Variants in MYOCD observed in about 807,000 individuals in gnomAD.
MYOCD encodes myocardin.
MYOCD carries 32 observed loss-of-function variants against 96.1 expected under a neutral mutation model. The ratio of observed to expected loss-of-function variants is 0.33; its 90% CI spans 0.25 to 0.45. The LOEUF is 0.45. Among genes scored for constraint, MYOCD ranks in the 20% least tolerant of loss-of-function variants. The pLI is 1.00. For missense variants in MYOCD, 1,133 were observed against 1,200.6 expected (o/e 0.94, Z 0.83); for synonymous variants, 469 against 469.0 (o/e 1.00, Z 0.00).
intron 7 of MYOCD, 137 bp downstream of exon 7, chr17:12,739,465 G>A (rs745344841): frequency 1.0e-6 from 1 of 985,986 alleles, no homozygotes; most frequent in Non-Finnish European, 1.4e-6. Flanking sequence ...AGCTCACTAG[G>A]AGGGTCACAA....
rs950612323 is a variant in MYOCD, at chr17:12,759,029, CAAG to C, written c.2331+818_2331+820del. On this transcript the variant is annotated intron_variant, in intron 12 of 13. Transcript: ENST00000425538. ...TAGCACTGTACTCCAGCCCGGGTGACAAGAGCAAAACTCCATCTCAAAAAAAAA... is the reference window on the plus strand; with the variant it reads ...TAGCACTGTACTCCAGCCCGGGTGACAGCAAAACTCCATCTCAAAAAAAAA... Among the ~76,000 whole-genome samples the C allele has an allele frequency of 5.9e-4, 89 of 151,342 alleles. 1 individual carries two copies. Among genetic ancestry groups the C allele is most frequent in the Middle Eastern group, 3.4e-3 (1 of 294 alleles).
intron 2 of MYOCD, among the ~76,000 whole-genome samples, chr17:12,709,871 T>C (rs1214913409): frequency 2.0e-5 from 3 of 152,214 alleles, no homozygotes; most frequent in Admixed American, 6.5e-5. Flanking sequence ...TCCCTGGGTA[T>C]CACTCTCCTG....
intron 1 of MYOCD, among the ~76,000 whole-genome samples, chr17:12,677,299 G>A (rs1022632938): frequency 3.3e-5 from 5 of 151,886 alleles, no homozygotes; most frequent in African/African-American, 1.2e-4. Context: ...ATAACTAATG[G>A]GTATTAGGCT....
At chr17:12,686,704 C>T (rs887026415) in intron 1 of MYOCD, among the ~76,000 whole-genome samples, 4 of 152,106 alleles carry the variant, frequency 2.6e-5, no homozygotes, top group African/African-American at 9.7e-5. Flanking sequence ...GGTTGCTAGG[C>T]AGGGTACAGA....
At chr17:12,712,759 A>G (rs1295871296) in intron 2 of MYOCD, among the ~76,000 whole-genome samples, 1 of 152,178 alleles carries the variant, frequency 6.6e-6, no homozygotes, top group Non-Finnish European at 1.5e-5. Context: ...GACTGAATTT[A>G]CAACAGTATT....
chr17:12,680,341 T>C (rs1910376121), intron 1 of MYOCD, among the ~76,000 whole-genome samples: 1 of 152,196 alleles, frequency 6.6e-6, no homozygotes, highest in Non-Finnish European at 1.5e-5. Flanking sequence ...GAGGTGAGTA[T>C]AATGACGTCT....
At position 12,745,949 on chromosome 17, in the gene MYOCD, A is replaced by C; in HGVS notation, c.1002A>C (p.Pro334=). 9 of 1,614,172 alleles carry C rather than the reference A, an allele frequency of 5.6e-6. No individual in the cohort carries two copies. Among genetic ancestry groups the C allele is most frequent in the Non-Finnish European group, 7.6e-6 (9 of 1,180,038 alleles). Residue 334 remains proline (P), a synonymous_variant, in exon 9 of 14, where the codon CCA becomes CCC. Coordinates refer to ENST00000425538, the MANE Select transcript of MYOCD (RefSeq NM_001146312.3). Reference sequence around the variant, plus strand: ...CAAATGAACAGATGGTCAGAAATCCAAACTCTTCTTCAACGCCACTGAGCA... The same window carrying C: ...CAAATGAACAGATGGTCAGAAATCCCAACTCTTCTTCAACGCCACTGAGCA... ...KEPNEQMVRN[P]NSSSTPLSNT... is the part of the protein sequence containing the mutation.
At chr17:12,757,538 C>G (rs1478282165) in intron 11 of MYOCD, among the ~76,000 whole-genome samples, 1 of 152,122 alleles carries the variant, frequency 6.6e-6, no homozygotes, top group Non-Finnish European at 1.5e-5. Context: ...ACTCTGTCGG[C>G]CAGACTGGAG....
At chr17:12,666,628 G>A (rs1454280090) in intron 1 of MYOCD, among the ~76,000 whole-genome samples, 1 of 152,194 alleles carries the variant, frequency 6.6e-6, no homozygotes, top group African/African-American at 2.4e-5. Context: ...CTGATGTTGT[G>A]TGTTAGGTAC....
intron 9 of MYOCD, among the ~76,000 whole-genome samples, chr17:12,748,845 A>G (rs1484423002): frequency 6.6e-6 from 1 of 152,186 alleles, no homozygotes; most frequent in Admixed American, 6.5e-5. Context: ...CAATTCCAGC[A>G]AGACTATAGG....
At chr17:12,757,492 T>G (rs2033045443) in intron 11 of MYOCD, among the ~76,000 whole-genome samples, 1 of 152,096 alleles carries the variant, frequency 6.6e-6, no homozygotes, top group South Asian at 2.1e-4. Context: ...TGATTATTTT[T>G]TATTTATTAT....
intron 7 of MYOCD, among the ~76,000 whole-genome samples, chr17:12,741,735 CA>C (rs2032518918): frequency 6.6e-6 from 1 of 151,146 alleles, no homozygotes; most frequent in Non-Finnish European, 1.5e-5. Flanking sequence ...AAAAAATTAG[CA>C]AAGCCTTCAA....
rs894247959 is a variant in MYOCD at position 12,681,712 on chromosome 17, G to A, written c.55+15469G>A. 5.3e-5 allele frequency among the ~76,000 whole-genome samples: 8 copies of A among 152,224 alleles called. No homozygotes were observed. In the East Asian group the frequency reaches 5.8e-4, roughly 11 times the overall value. ...CAGTGTGTACCTGGTCTCAGCCCCCGCTGCTTGAGTGCTCTCCTGTAAGAG... is the reference window on the plus strand; with the variant it reads ...CAGTGTGTACCTGGTCTCAGCCCCCACTGCTTGAGTGCTCTCCTGTAAGAG... On this transcript the variant is annotated intron_variant, in intron 1 of 13. Coordinates refer to ENST00000425538, the MANE Select transcript of MYOCD (RefSeq NM_001146312.3).
At chr17:12,747,888 G>A (rs1256551057) in intron 9 of MYOCD, among the ~76,000 whole-genome samples, 1 of 151,476 alleles carries the variant, frequency 6.6e-6, no homozygotes, top group Non-Finnish European at 1.5e-5. Context: ...AAAACTGGCT[G>A]GGCGTGGTGG....
intron 1 of MYOCD, among the ~76,000 whole-genome samples, chr17:12,696,212 T>C (rs1317883821): frequency 3.9e-5 from 6 of 151,942 alleles, no homozygotes; most frequent in African/African-American, 1.2e-4. Context: ...TCTCTTGACC[T>C]CGTGGTCCGC....
rs189516505 is a variant in MYOCD, at chr17:12,728,726, G to A, written c.415+5718G>A. Reference sequence around the variant, plus strand: ...ACTCCCCACCTCAGGTGATCCACCCGCCTTGGCCTCCCAAAGTGCTGAGAT... The same window carrying A: ...ACTCCCCACCTCAGGTGATCCACCCACCTTGGCCTCCCAAAGTGCTGAGAT... On this transcript the variant is annotated intron_variant, in intron 5 of 13. Coordinates refer to ENST00000425538, the MANE Select transcript of MYOCD (RefSeq NM_001146312.3). 1.2e-4 allele frequency among the ~76,000 whole-genome samples: 18 copies of A among 152,238 alleles called. No individual in the cohort carries two copies. The East Asian group carries it at 1.7e-3, about 15-fold the overall frequency.
At chr17:12,715,179 C>T (rs2031600636) in intron 2 of MYOCD, among the ~76,000 whole-genome samples, 1 of 152,174 alleles carries the variant, frequency 6.6e-6, no homozygotes, top group South Asian at 2.1e-4. Context: ...CCCAAGTCTA[C>T]ACCTCTCCCT....
intron 5 of MYOCD, among the ~76,000 whole-genome samples, chr17:12,734,372 G>A (rs1254871704): frequency 6.6e-6 from 1 of 152,042 alleles, no homozygotes; most frequent in Non-Finnish European, 1.5e-5. Context: ...AATGGCACTG[G>A]CCCGGGGCAC....
rs1263143724 is a variant in MYOCD, at chr17:12,751,822, G to A, written c.1126-592G>A. On this transcript the variant is annotated intron_variant, in intron 9 of 13. Transcript: ENST00000425538. ...TGGTCATTACAATTAGGACATAAAC[G>A]TTTATATGGAGCCGTGGTTCTCAAA... 3.9e-5 allele frequency among the ~76,000 whole-genome samples: 6 copies of A among 152,104 alleles called. No individual in the cohort carries two copies. The East Asian group carries it at 7.7e-4, about 20-fold the overall frequency.
Sources: gnomAD v4.1 joint callset for allele counts (sites outside exome capture counted in the v4.1 genomes callset) on GRCh38, gnomAD v4.1.1 for gene constraint, MANE v1.5 for transcripts, NCBI Gene and HGNC (gene_info 2026-07-23, HGNC 2026-07-21) for gene names.